KEAP1: variants seen among roughly 807,000 people sequenced by gnomAD.
KEAP1 encodes the protein kelch-like ECH-associated protein 1.
KEAP1 carries 26 observed loss-of-function variants against 59.7 expected under a neutral mutation model. The observed-to-expected ratio is 0.44, with a 90% CI of 0.32 to 0.60. KEAP1 has a LOEUF of 0.60. KEAP1 is among the 20% of genes least tolerant of loss of function. The pLI, the probability that KEAP1 is intolerant of heterozygous loss-of-function variation, is 0.06. For synonymous variants in KEAP1, 350 were observed against 358.3 expected (o/e 0.98, Z 0.26); for missense variants, 539 against 871.4 (o/e 0.62, Z 4.80).
At chr19:10,496,386 C>T (rs1342718913) in intron 2 of KEAP1, among the ~76,000 whole-genome samples, 1 of 151,400 alleles carries the variant, frequency 6.6e-6, no homozygotes, top group African/African-American at 2.4e-5. Flanking sequence ...ATCCCAGCTA[C>T]TTGGGAGGCT....
rs764341355 is a variant in KEAP1, at chr19:10,489,320, C to A, written c.1580G>T (p.Gly527Val). The A allele has an allele frequency of 6.2e-7, 1 of 1,614,026 alleles. No individual in the cohort carries two copies. The highest frequency in any genetic ancestry group is 8.5e-7 in the Non-Finnish European group (1 of 1,180,008). The change falls in exon 5 of 6, where the codon GGT (glycine) becomes GTT (valine). Residue 527 changes from glycine to valine, a missense_variant. This residue lies in a region of KEAP1 where 311 missense variants were observed against 425.2 expected (regional missense o/e 0.73). Coordinates refer to ENST00000171111, the MANE Select transcript of KEAP1 (RefSeq NM_203500.2). ...NCIYAAGGYD[G>V]QDQLNSVERY... ...CTCCACGCTGTTCAGCTGGTCCTGA[C>A]CATCATAGCCCCCAGCAGCATAGAT...
intron 5 of KEAP1, among the ~76,000 whole-genome samples, chr19:10,487,759 G>A (rs562523028): frequency 6.6e-6 from 1 of 152,100 alleles, no homozygotes; most frequent in African/African-American, 2.4e-5. Flanking sequence ...ACTTTCGGAG[G>A]CTGAGGCAGG....
At chr19:10,500,170 A>G in intron 1 of KEAP1, 90 bp from the exon 2 acceptor site, 1 of 949,748 alleles carries the variant, frequency 1.1e-6, no homozygotes, top group Non-Finnish European at 1.5e-6. Flanking sequence ...AGCAATTCCT[A>G]GGTCAGTTTT....
intron 5 of KEAP1, 98 bp from the exon 6 acceptor site, chr19:10,486,916 G>T (rs1914481272): frequency 3.0e-6 from 4 of 1,325,780 alleles, no homozygotes; most frequent in African/African-American, 2.9e-5. Context: ...GCAAAAGCAG[G>T]CCGGGCGTGG....
chr19:10,497,181 C>T (rs577431762), intron 2 of KEAP1, among the ~76,000 whole-genome samples: 8 of 151,714 alleles, frequency 5.3e-5, no homozygotes, highest in African/African-American at 9.7e-5. Context: ...TAATCTAGTA[C>T]CCCATGTTCA....
rs200170293 is a variant in KEAP1, at chr19:10,491,583, A to G, written c.1319T>C (p.Val440Ala). Residue 440 changes from valine to alanine, a missense_variant, in exon 3 of 6, where the codon GTG becomes GCG. Coordinates refer to ENST00000171111, the MANE Select transcript of KEAP1 (RefSeq NM_203500.2). This position sits in a 1 kb window ranked among gnomAD's most constrained non-coding sequence, Gnocchi z 5.2. ...GSHGCIHHNS[V>A]ERYEPERDEW... Reference sequence around the variant, plus strand: ...CCCAGGCCCTGCCACTCACCTCTCCACACTGTTGTGGTGGATGCAGCCGTG... The same window carrying G: ...CCCAGGCCCTGCCACTCACCTCTCCGCACTGTTGTGGTGGATGCAGCCGTG... The G allele has an allele frequency of 3.4e-5, 53 of 1,542,250 alleles. 1 individual carries two copies. The Admixed American group carries it at 3.9e-4, about 11-fold the overall frequency.
intron 1 of KEAP1, among the ~76,000 whole-genome samples, chr19:10,501,496 G>A (rs534087803): frequency 1.2e-3 from 187 of 152,048 alleles, no homozygotes; most frequent in African/African-American, 4.5e-3. Flanking sequence ...CGGGTGTGGC[G>A]GCGGGCGCCT....
Position 10,502,477 on chromosome 19 carries a change from G to A in KEAP1, c.-48+764C>T, listed in dbSNP as rs1222181484. 6.6e-6 allele frequency: 1 copy of A among 152,270 alleles called. No homozygotes were observed. Among genetic ancestry groups the A allele is most frequent in the Admixed American group, 6.5e-5 (1 of 15,272 alleles). 9.4% of individuals were successfully genotyped at this position (152,270 alleles called of 1,614,324 possible). On this transcript the variant is annotated intron_variant, in intron 1 of 5. Transcript: ENST00000171111. This position sits in a 1 kb window ranked among gnomAD's most constrained non-coding sequence, Gnocchi z 4.0. Reference sequence around the variant, plus strand: ...GCCTCCTTCTGCGCAGCGCCTCCTGGTTCTCTCGCTCGGTTTCCGCCGCTC... The same window carrying A: ...GCCTCCTTCTGCGCAGCGCCTCCTGATTCTCTCGCTCGGTTTCCGCCGCTC...
chr19:10,499,956 C>T lies in KEAP1; in HGVS notation c.78G>A (p.Gly26=), dbSNP rs1247004394. The T allele has an allele frequency of 1.2e-6, 2 of 1,601,730 alleles. No individual in the cohort carries two copies. The change falls in exon 2 of 6, where the codon GGG becomes GGA. Residue 26 remains glycine, a synonymous_variant. Transcript: ENST00000171111. This position sits in a 1 kb window ranked among gnomAD's most constrained non-coding sequence, Gnocchi z 6.7. The part of the protein sequence containing the change: ...FLPLQSQCPE[G]AGDAVMYAST... The stretch of plus-strand genomic sequence containing the variant: ...AGGCGTACATCACCGCGTCCCCTGC[C>T]CCCTCAGGGCACTGTGACTGCAGGG...
At position 10,502,471 on chromosome 19, in the gene KEAP1, C is replaced by G. The variant is rs915520061; in HGVS notation, c.-48+770G>C. The stretch of plus-strand genomic sequence containing the variant: ...CCCCGGGCCTCCTTCTGCGCAGCGC[C>G]TCCTGGTTCTCTCGCTCGGTTTCCG... On this transcript the variant is annotated intron_variant, in intron 1 of 5. Transcript: ENST00000171111. The surrounding 1 kb of genome is among the most constrained non-coding windows in gnomAD (Gnocchi z 4.0). 6.6e-6 allele frequency: 1 copy of G among 152,320 alleles called. No homozygotes were observed. The highest frequency in any genetic ancestry group is 1.5e-5 in the Non-Finnish European group (1 of 68,138). 9.4% of individuals were successfully genotyped at this position (152,320 alleles called of 1,614,324 possible).
At chr19:10,489,122 G>C in intron 5 of KEAP1, 70 bp downstream of exon 5, 1 of 695,102 alleles carries the variant, frequency 1.4e-6, no homozygotes, top group Non-Finnish European at 2.1e-6. Context: ...AAAAAAAAAG[G>C]AAAGCAAAAG....
At chr19:10,498,622 C>T (rs1266055328) in intron 2 of KEAP1, among the ~76,000 whole-genome samples, 1 of 152,184 alleles carries the variant, frequency 6.6e-6, no homozygotes, top group African/African-American at 2.4e-5. Context: ...TTCAGACTTA[C>T]AGCTTGCAGC....
At chr19:10,501,269 G>C (rs1325553677) in intron 1 of KEAP1, among the ~76,000 whole-genome samples, 1 of 151,492 alleles carries the variant, frequency 6.6e-6, no homozygotes, top group South Asian at 2.1e-4. Flanking sequence ...ACAGAGTCTC[G>C]CTCTGTTGCC....
intron 2 of KEAP1, among the ~76,000 whole-genome samples, chr19:10,492,885 G>GATCT (rs1195414253): frequency 1.3e-5 from 2 of 151,084 alleles, no homozygotes; most frequent in Non-Finnish European, 2.9e-5. Context: ...GCAGTGGCAT[G>GATCT]ATCTAGGCTC....
intron 4 of KEAP1, 140 bp from the exon 5 acceptor site, chr19:10,489,508 A>G: frequency 8.0e-7 from 1 of 1,247,130 alleles, no homozygotes; most frequent in Non-Finnish European, 1.1e-6. Flanking sequence ...AGAAGCTTGG[A>G]CTCTATCAGA....
rs202181679 is a variant in KEAP1 at position 10,499,763 on chromosome 19, C to A, written c.271G>T (p.Ala91Ser). ...ACCACCTTGTGGGCCATGAACTGGGCGGCCGGTGCATCCTGGTACTTGACC... is the reference window on the plus strand; with the variant it reads ...ACCACCTTGTGGGCCATGAACTGGGAGGCCGGTGCATCCTGGTACTTGACC... ...LQVKYQDAPA[A>S]QFMAHKVVLA... The change falls in exon 2 of 6, where the codon GCC becomes TCC. Residue 91 changes from alanine to serine, a missense_variant. By Grantham distance (99) the Ala-to-Ser change is moderately conservative. Transcript: ENST00000171111. This position sits in a 1 kb window ranked among gnomAD's most constrained non-coding sequence, Gnocchi z 6.7. The A allele has an allele frequency of 2.5e-6, 4 of 1,613,956 alleles. No homozygotes were observed. Among genetic ancestry groups the A allele is most frequent in the African/African-American group, 2.7e-5 (2 of 74,926 alleles).
At chr19:10,490,111 G>A (rs1340535306) in intron 3 of KEAP1, among the ~76,000 whole-genome samples, 1 of 151,880 alleles carries the variant, frequency 6.6e-6, no homozygotes, top group African/African-American at 2.4e-5. Context: ...AATTAGCTGG[G>A]TGTGATGGCA....
Position 10,500,009 on chromosome 19 carries a change from C to G in KEAP1, c.25G>C (p.Gly9Arg), listed in dbSNP as rs187892356. The change falls in exon 2 of 6, where the codon GGG becomes CGG. Residue 9 changes from glycine (G) to arginine (R), a missense_variant. Physicochemically the swap from Gly to Arg is moderately radical, Grantham distance 125 (BLOSUM62 -2). Coordinates refer to ENST00000171111, the MANE Select transcript of KEAP1 (RefSeq NM_203500.2). MQPDPRPS[G>R]AGACCRFLPL... is the part of the protein sequence containing the mutation. ...AGGAATCGGCAGCAGGCCCCAGCCC[C>G]GCTAGGCCTGGGATCTGGCTGCATG... is the stretch of plus-strand genomic sequence containing the variant. 2 of 1,564,784 alleles carry G rather than the reference C, an allele frequency of 1.3e-6. No individual in the cohort carries two copies. The highest frequency in any genetic ancestry group is 1.8e-5 in the Admixed American group (1 of 55,448).
At chr19:10,496,006 G>A (rs958485457) in intron 2 of KEAP1, among the ~76,000 whole-genome samples, 1 of 151,746 alleles carries the variant, frequency 6.6e-6, no homozygotes, top group South Asian at 2.1e-4. Context: ...GCAACATAGC[G>A]AGACCTCATC....
Sources: allele counts gnomAD v4.1 joint callset (sites outside exome capture counted in the v4.1 genomes callset), GRCh38; gene constraint gnomAD v4.1.1; regional missense constraint gnomAD v4.1.1; non-coding constraint Gnocchi (gnomAD v3.1); transcripts MANE v1.5; gene names NCBI Gene and HGNC (gene_info 2026-07-23, HGNC 2026-07-21).